Variants in CCND2 observed in about 807,000 individuals in gnomAD.
CCND2 encodes the protein cyclin D2.
In CCND2, 6 loss-of-function variants were observed where a neutral mutation model predicts 30.2. The ratio of observed to expected loss-of-function variants is 0.20; its 90% CI spans 0.11 to 0.39. The LOEUF (loss-of-function observed/expected upper bound fraction) is 0.39, where lower values mean the gene tolerates loss of function less well. CCND2 is among the 10% of genes least tolerant of loss of function. CCND2 has a pLI of 1.00. For missense variants in CCND2, 235 were observed against 373.4 expected (o/e 0.63, Z 3.06); for synonymous variants, 150 against 153.1 (o/e 0.98, Z 0.15).
In CCND2 at chr12:4,299,137, G is replaced by A. The variant is rs184799040; in HGVS notation, c.721-723G>A. Reference sequence around the variant, plus strand: ...AGCACTTTGGGAGGCCGATGCGGGCGGATCACAAGGTCAGGAGTTCGAGGC... The same window carrying A: ...AGCACTTTGGGAGGCCGATGCGGGCAGATCACAAGGTCAGGAGTTCGAGGC... On this transcript the variant is annotated intron_variant, in intron 4 of 4. Transcript: ENST00000261254. The surrounding 1 kb of genome is among the most constrained non-coding windows in gnomAD (Gnocchi z 5.2). 7.2e-5 allele frequency among the ~76,000 whole-genome samples: 11 copies of A among 152,270 alleles called. No individual in the cohort carries two copies. In the East Asian group the frequency reaches 9.6e-4, roughly 13 times the overall value.
chr12:4,283,079 T>G (rs767833987), intron 3 of CCND2, among the ~76,000 whole-genome samples: 1 of 152,228 alleles, frequency 6.6e-6, no homozygotes, highest in Non-Finnish European at 1.5e-5. Flanking sequence ...GGGTGCTAAA[T>G]GTACTGGGCA....
In CCND2 at chr12:4,302,570, G is replaced by C; in HGVS notation, c.*2561G>C. On this transcript the variant is annotated 3_prime_UTR_variant, in exon 5 of 5. Transcript: ENST00000261254. ...GAACCTGCAGCAAGCAGCGTTTATG[G>C]TGCTTCCTTCTCCCTCCTCTGTCTC... The C allele has an allele frequency of 4.3e-6, 1 of 233,228 alleles. No homozygotes were observed. The highest frequency in any genetic ancestry group is 8.5e-6 in the Non-Finnish European group (1 of 118,086). 14.4% of individuals were successfully genotyped at this position (233,228 alleles called of 1,614,324 possible). A position where few individuals can be genotyped will look rare whatever the true frequency, so the allele number is the denominator to read the frequency against.
intron 3 of CCND2, among the ~76,000 whole-genome samples, chr12:4,286,323 C>A (rs913301016): frequency 2.0e-5 from 3 of 152,182 alleles, no homozygotes; most frequent in Non-Finnish European, 4.4e-5. Context: ...CTCACCCAAC[C>A]CGTTATTAGA....
chr12:4,280,688 G>C (rs957581579), intron 3 of CCND2, among the ~76,000 whole-genome samples: 1 of 151,912 alleles, frequency 6.6e-6, no homozygotes, highest in African/African-American at 2.4e-5. Flanking sequence ...GATTCACTGT[G>C]GGGGAGGGGT....
At chr12:4,278,692 C>T in intron 2 of CCND2, 68 bp from the exon 3 acceptor site, 1 of 1,553,206 alleles carries the variant, frequency 6.4e-7, no homozygotes, top group Non-Finnish European at 8.8e-7. Context: ...GCCCAACCCC[C>T]AGCCCCCTAC....
chr12:4,289,020 C>G (rs781201256), intron 4 of CCND2, 30 bp downstream of exon 4: 5 of 1,582,982 alleles, frequency 3.2e-6, no homozygotes, highest in Admixed American at 1.8e-5. Flanking sequence ...TTGGCTAAGT[C>G]CAGATGTCTC....
At chr12:4,288,094 C>T (rs372425684) in intron 3 of CCND2, among the ~76,000 whole-genome samples, 55 of 152,196 alleles carry the variant, frequency 3.6e-4, no homozygotes, top group African/African-American at 1.3e-3. Flanking sequence ...TAGTTAGAGC[C>T]CTATGTTAGG....
intron 4 of CCND2, among the ~76,000 whole-genome samples, chr12:4,296,577 A>G (rs1411528620): frequency 6.6e-6 from 1 of 152,222 alleles, no homozygotes; most frequent in Non-Finnish European, 1.5e-5. Context: ...TTAGATAACA[A>G]AAGCTCTTAG....
rs1863964480 is a variant in CCND2, at chr12:4,282,620, A to G, written c.571+3701A>G. On this transcript the variant is annotated intron_variant, in intron 3 of 4. Transcript: ENST00000261254. The surrounding 1 kb of genome is among the most constrained non-coding windows in gnomAD (Gnocchi z 4.3). ...CCGCGAGGTCATGGGACTGAGGGGG[A>G]GTCGTTAGCATGCCCTGTGGGGACA... Among the ~76,000 whole-genome samples, 1 of 151,900 alleles carries G rather than the reference A, an allele frequency of 6.6e-6. No individual in the cohort carries two copies. The highest frequency in any genetic ancestry group is 1.5e-5 in the Non-Finnish European group (1 of 67,988).
chr12:4,286,980 A>G (rs1399675756), intron 3 of CCND2, among the ~76,000 whole-genome samples: 1 of 151,850 alleles, frequency 6.6e-6, no homozygotes, highest in African/African-American at 2.4e-5. Context: ...CACAGGGGGG[A>G]GCTAACGAGG....
At position 4,282,545 on chromosome 12, in the gene CCND2, A is replaced by G. The variant is rs1863963229; in HGVS notation, c.571+3626A>G. Among the ~76,000 whole-genome samples, 1 of 152,188 alleles carries G rather than the reference A, an allele frequency of 6.6e-6. No homozygotes were observed. Among genetic ancestry groups the G allele is most frequent in the South Asian group, 2.1e-4 (1 of 4,836 alleles). ...TCGCCTTGATGGGTGCTGGGAAGGA[A>G]GAATGGAAACCCGTCTTTCCATCTG... On this transcript the variant is annotated intron_variant, in intron 3 of 4. Coordinates refer to ENST00000261254, the MANE Select transcript of CCND2 (RefSeq NM_001759.4). This position sits in a 1 kb window ranked among gnomAD's most constrained non-coding sequence, Gnocchi z 4.3.
In CCND2 at chr12:4,296,251, C is replaced by A. The variant is rs539243654; in HGVS notation, c.721-3609C>A. On this transcript the variant is annotated intron_variant, in intron 4 of 4. Transcript: ENST00000261254. ...GAGTCCCAAGTTGGCCATATTATTG[C>A]GGTAAAAGATACATTAACCCAGATG... 1.2e-4 allele frequency among the ~76,000 whole-genome samples: 18 copies of A among 152,266 alleles called. 1 individual carries two copies. In the South Asian group the frequency reaches 3.3e-3, roughly 28 times the overall value.
In CCND2 at chr12:4,302,476, C is replaced by T. The variant is rs550510324; in HGVS notation, c.*2467C>T. On this transcript the variant is annotated 3_prime_UTR_variant, in exon 5 of 5. Coordinates refer to ENST00000261254, the MANE Select transcript of CCND2 (RefSeq NM_001759.4). Reference sequence around the variant, plus strand: ...GTTTTTCCCCTCCGTCTTTCCCCTCCCCTGGCATGGACACCTTGTGTTTAG... The same window carrying T: ...GTTTTTCCCCTCCGTCTTTCCCCTCTCCTGGCATGGACACCTTGTGTTTAG... The T allele has an allele frequency of 8.6e-6, 2 of 233,106 alleles. No homozygotes were observed. The highest frequency in any genetic ancestry group is 1.1e-4 in the Admixed American group (2 of 17,796). 14.4% of individuals were successfully genotyped at this position (233,106 alleles called of 1,614,324 possible).
Position 4,287,077 on chromosome 12 carries a change from T to C in CCND2, c.572-1765T>C, listed in dbSNP as rs1350129320. Among the ~76,000 whole-genome samples, 1 of 152,116 alleles carries C rather than the reference T, an allele frequency of 6.6e-6. No homozygotes were observed. The highest frequency in any genetic ancestry group is 1.5e-5 in the Non-Finnish European group (1 of 67,998). ...GGCAGGGAGGCTGGCTTTGTCACACTGTTCATGGCGACAGAGAAGGCGTAG... is the reference window on the plus strand; with the variant it reads ...GGCAGGGAGGCTGGCTTTGTCACACCGTTCATGGCGACAGAGAAGGCGTAG... On this transcript the variant is annotated intron_variant, in intron 3 of 4. Coordinates refer to ENST00000261254, the MANE Select transcript of CCND2 (RefSeq NM_001759.4). The surrounding 1 kb of genome is among the most constrained non-coding windows in gnomAD (Gnocchi z 4.0).
chr12:4,301,281 G>A lies in CCND2; in HGVS notation c.*1272G>A. 1 of 233,384 alleles carries A rather than the reference G, an allele frequency of 4.3e-6. No individual in the cohort carries two copies. The allele number at this position is 233,384 out of a possible 1,614,324, so 14.5% of individuals were successfully genotyped here. ...ATCTCTATACTTCTCCTTTGGACAT[G>A]GAAAGAAAAGTTATTGCTGGTGCAA... On this transcript the variant is annotated 3_prime_UTR_variant, in exon 5 of 5. Coordinates refer to ENST00000261254, the MANE Select transcript of CCND2 (RefSeq NM_001759.4).
Position 4,274,559 on chromosome 12 carries a change from G to C in CCND2, c.195+324G>C, listed in dbSNP as rs1163478297. On this transcript the variant is annotated intron_variant, in intron 1 of 4. Coordinates refer to ENST00000261254, the MANE Select transcript of CCND2 (RefSeq NM_001759.4). The surrounding 1 kb of genome is among the most constrained non-coding windows in gnomAD (Gnocchi z 7.7). ...GCGACCTGTCTTTTGCGAAGCCGCC[G>C]CGGCTGCTTGCGCTGCGGCCAGGAA... Among the ~76,000 whole-genome samples, 1 of 152,066 alleles carries C rather than the reference G, an allele frequency of 6.6e-6. No homozygotes were observed. The highest frequency in any genetic ancestry group is 1.5e-5 in the Non-Finnish European group (1 of 68,006).
At chr12:4,296,382 G>T (rs1864168655) in intron 4 of CCND2, among the ~76,000 whole-genome samples, 1 of 152,260 alleles carries the variant, frequency 6.6e-6, no homozygotes. Context: ...CACAGGAACT[G>T]CGACTTGGAA....
In CCND2 at chr12:4,282,926, G is replaced by C. The variant is rs1236765459; in HGVS notation, c.571+4007G>C. Reference sequence around the variant, plus strand: ...TGAACTTCCACCTGACTGCAGGTTGGAGAAGAGAGATGGGGAAAGCCTGAC... The same window carrying C: ...TGAACTTCCACCTGACTGCAGGTTGCAGAAGAGAGATGGGGAAAGCCTGAC... On this transcript the variant is annotated intron_variant, in intron 3 of 4. Transcript: ENST00000261254. The surrounding 1 kb of genome is among the most constrained non-coding windows in gnomAD (Gnocchi z 4.3). Among the ~76,000 whole-genome samples, 2 of 152,160 alleles carry C rather than the reference G, an allele frequency of 1.3e-5. No homozygotes were observed. The highest frequency in any genetic ancestry group is 2.9e-5 in the Non-Finnish European group (2 of 68,010).
chr12:4,281,637 G>C (rs894624084), intron 3 of CCND2, among the ~76,000 whole-genome samples: 5 of 152,220 alleles, frequency 3.3e-5, no homozygotes, highest in African/African-American at 1.2e-4. Flanking sequence ...TGGGGGTCCC[G>C]AGAGATGGCC....
Sources: allele counts gnomAD v4.1 joint callset (sites outside exome capture counted in the v4.1 genomes callset), GRCh38; gene constraint gnomAD v4.1.1; non-coding constraint Gnocchi (gnomAD v3.1); transcripts MANE v1.5; gene names NCBI Gene and HGNC (gene_info 2026-07-23, HGNC 2026-07-21).